The following PTCD3 variants were observed in gnomAD, a reference collection of about 807,000 sequenced individuals.
PTCD3 encodes the protein small ribosomal subunit protein mS39.
Under a neutral mutation model 101.9 loss-of-function variants are expected in PTCD3, and 89 were observed. The observed-to-expected ratio is 0.87, with a 90% CI of 0.74 to 1.04. The LOEUF is 1.04. Among genes scored for constraint, PTCD3 ranks in the 50% least tolerant of loss-of-function variants. The probability of loss-of-function intolerance (pLI) is 0.00; values close to 1 mark genes in which losing one functional copy is unlikely to be tolerated. For synonymous variants in PTCD3, 296 were observed against 278.5 expected (o/e 1.06, Z -0.63); for missense variants, 870 against 828.2 (o/e 1.05, Z -0.62).
intron 10 of PTCD3, 87 bp downstream of exon 10, chr2:86,125,169 A>T (rs1036180942): frequency 6.5e-7 from 1 of 1,545,940 alleles, no homozygotes; most frequent in African/African-American, 1.4e-5. Flanking sequence ...GGGTCAGGTA[A>T]TTTGTTGTGG....
chr2:86,106,355 A>G lies in PTCD3; in HGVS notation c.104+4A>G, dbSNP rs758489830. 1 of 1,613,680 alleles carries G rather than the reference A, an allele frequency of 6.2e-7. No individual in the cohort carries two copies. Among genetic ancestry groups the G allele is most frequent in the South Asian group, 1.1e-5 (1 of 90,996 alleles). On this transcript the variant is annotated splice_donor_region_variant and intron_variant, in intron 1 of 23. Transcript: ENST00000254630. Reference sequence around the variant, plus strand: ...GTGAACAGGCACGCAGCTGCAGGTAAGAGACGCTTAGGGTATCCGCGAAGA... The same window carrying G: ...GTGAACAGGCACGCAGCTGCAGGTAGGAGACGCTTAGGGTATCCGCGAAGA...
chr2:86,106,971 T>C (rs1045614641), intron 1 of PTCD3: 3 of 360,230 alleles, frequency 8.3e-6, no homozygotes, highest in Non-Finnish European at 1.1e-5. Context: ...TAATTTTAGG[T>C]TTAGTGTTTG....
intron 4 of PTCD3, among the ~76,000 whole-genome samples, chr2:86,115,505 AG>A (rs898217648): frequency 1.3e-5 from 2 of 152,192 alleles, no homozygotes; most frequent in African/African-American, 4.8e-5. Context: ...GGTTTTTGAA[AG>A]GGGTAGCAGA....
intron 6 of PTCD3, among the ~76,000 whole-genome samples, chr2:86,118,332 A>G (rs995827621): frequency 6.6e-6 from 1 of 152,104 alleles, no homozygotes; most frequent in African/African-American, 2.4e-5. Context: ...AGCAAAACAG[A>G]TGCGCCTCTG....
intron 7 of PTCD3, among the ~76,000 whole-genome samples, chr2:86,120,546 A>G (rs1238230003): frequency 1.3e-5 from 2 of 152,058 alleles, no homozygotes; most frequent in Non-Finnish European, 2.9e-5. Flanking sequence ...TCTCTTCTGG[A>G]CTTTTTACAT....
intron 8 of PTCD3, among the ~76,000 whole-genome samples, chr2:86,121,993 C>T (rs769309559): frequency 8.5e-5 from 13 of 152,218 alleles, no homozygotes; most frequent in East Asian, 5.8e-4. Flanking sequence ...AGTAGTGTGC[C>T]GGGGCCCGCC....
intron 4 of PTCD3, among the ~76,000 whole-genome samples, chr2:86,112,783 G>A (rs1267658309): frequency 1.3e-5 from 2 of 152,050 alleles, no homozygotes; most frequent in African/African-American, 4.8e-5. Context: ...GGCTGGTTAG[G>A]ATGTTAAAAC....
intron 14 of PTCD3, 74 bp from the exon 15 acceptor site, chr2:86,130,574 C>CT (rs1558799326): frequency 1.3e-6 from 2 of 1,533,930 alleles, no homozygotes; most frequent in Middle Eastern, 1.7e-4. Flanking sequence ...AAATGTGTCC[C>CT]TTTGTATTAG....
rs761759825 is a variant in PTCD3, at chr2:86,132,359, T to C, written c.1308T>C (p.His436=). The change falls in exon 17 of 24, where the codon CAT becomes CAC. Residue 436 remains histidine, a synonymous_variant. Coordinates refer to ENST00000254630, the MANE Select transcript of PTCD3 (RefSeq NM_017952.6). ...ATCTAGAACTTGCCTACCAAGTACA[T>C]GGCCTTTTAAAAACCGGAGACAACT... ...LRDLELAYQV[H]GLLKTGDNWK... The C allele has an allele frequency of 3.1e-6, 5 of 1,609,564 alleles. No individual in the cohort carries two copies. The highest frequency in any genetic ancestry group is 1.3e-5 in the African/African-American group (1 of 74,810).
At chr2:86,118,413 A>G (rs2367202) in intron 6 of PTCD3, among the ~76,000 whole-genome samples, 115,704 of 152,106 alleles carry the variant, frequency 0.76, 45,216 homozygotes, top group South Asian at 0.85. Context: ...ATATCCCTAC[A>G]TCTCTCTGCT....
rs1674189354 is a variant in PTCD3 at position 86,117,039 on chromosome 2, C to G, written c.310-16C>G. 2.0e-6 allele frequency: 2 copies of G among 1,002,850 alleles called. No homozygotes were observed. Among genetic ancestry groups the G allele is most frequent in the Admixed American group, 1.7e-5 (1 of 57,882 alleles). The allele number at this position is 1,002,850 out of a possible 1,614,324, so 62.1% of individuals were successfully genotyped here. On this transcript the variant is annotated splice_polypyrimidine_tract_variant and intron_variant, in intron 5 of 23. Transcript: ENST00000254630. ...GAGTTTAAATTACATGTATTTAAAT[C>G]TTTTTCTTTATATAGCGTTCATTTT... is the stretch of plus-strand genomic sequence containing the variant.
chr2:86,119,067 C>T lies in PTCD3; in HGVS notation c.538+23C>T, dbSNP rs373382563. The T allele has an allele frequency of 3.1e-5, 50 of 1,610,564 alleles. No individual in the cohort carries two copies. The South Asian group carries it at 5.2e-4, about 17-fold the overall frequency. On this transcript the variant is annotated intron_variant, in intron 7 of 23. Transcript: ENST00000254630. Reference sequence around the variant, plus strand: ...CAGGTGACTGAGTTCGATTAAAGCCCCTCTAATAACATGGGCTTTGAAGTG... The same window carrying T: ...CAGGTGACTGAGTTCGATTAAAGCCTCTCTAATAACATGGGCTTTGAAGTG...
In PTCD3 at chr2:86,108,540, A is replaced by G; in HGVS notation, c.194+4A>G. On this transcript the variant is annotated splice_donor_region_variant and intron_variant, in intron 3 of 23. Transcript: ENST00000254630. The stretch of plus-strand genomic sequence containing the variant: ...TAATTCCAAAAAAGAAAACTTGGTA[A>G]GTATTCTATCAGTGTTCATTCAGCA... 6.3e-7 allele frequency: 1 copy of G among 1,594,682 alleles called. No individual in the cohort carries two copies. The highest frequency in any genetic ancestry group is 1.4e-5 in the African/African-American group (1 of 73,832).
At chr2:86,121,852 T>G (rs538709854) in intron 8 of PTCD3, among the ~76,000 whole-genome samples, 1 of 152,332 alleles carries the variant, frequency 6.6e-6, no homozygotes, top group African/African-American at 2.4e-5. Flanking sequence ...TCAGAAATGT[T>G]TGGGCTGGCC....
intron 6 of PTCD3, among the ~76,000 whole-genome samples, chr2:86,117,453 CT>C (rs758220686): frequency 3.4e-3 from 492 of 143,136 alleles, no homozygotes; most frequent in Middle Eastern, 7.1e-3. Context: ...CTTTCTCTTC[CT>C]TTTTTTTTTT....
chr2:86,109,911 G>A (rs1674043597), intron 3 of PTCD3, among the ~76,000 whole-genome samples: 1 of 152,172 alleles, frequency 6.6e-6, no homozygotes. Context: ...GTGTGTATAC[G>A]TTTTTTAGGG....
At chr2:86,136,673 A>G in intron 22 of PTCD3, 111 bp downstream of exon 22, 2 of 1,288,778 alleles carry the variant, frequency 1.6e-6, no homozygotes, top group South Asian at 2.4e-5. Context: ...TTAGGCAAGC[A>G]TACCGTCAAC....
In PTCD3 at chr2:86,130,684, A is replaced by T. The variant is rs150045544; in HGVS notation, c.1184A>T (p.Asp395Val). 496 of 1,613,766 alleles carry T rather than the reference A, an allele frequency of 3.1e-4. 1 individual carries two copies. The highest frequency in any genetic ancestry group is 4.0e-4 in the Non-Finnish European group (470 of 1,179,844). The change falls in exon 15 of 24, where the codon GAT becomes GTT. Residue 395 changes from aspartate (D) to valine (V), a missense_variant. By Grantham distance (152) the Asp-to-Val change is radical. Transcript: ENST00000254630. ...PLKRSSFIIY[D>V]IMNELMGKRF... The stretch of plus-strand genomic sequence containing the variant: ...AAGAGATCATCCTTCATCATTTATG[A>T]TATAATGAATGAATTAATGGGAAAG...
Position 86,138,693 on chromosome 2 carries a change from G to C in PTCD3, c.*1134G>C, listed in dbSNP as rs1053974358. On this transcript the variant is annotated 3_prime_UTR_variant, in exon 24 of 24. Coordinates refer to ENST00000254630, the MANE Select transcript of PTCD3 (RefSeq NM_017952.6). ...TTGAGGGACAAAAAAAAAAAAAGCC[G>C]ATATAGTAGCTAGCTACTTAAGCAT... is the stretch of plus-strand genomic sequence containing the variant. 1 of 145,862 alleles carries C rather than the reference G, an allele frequency of 6.9e-6. No homozygotes were observed. Among genetic ancestry groups the C allele is most frequent in the African/African-American group, 2.5e-5 (1 of 39,860 alleles). The allele number at this position is 145,862 out of a possible 1,614,324, so 9.0% of individuals were successfully genotyped here.
Sources: gnomAD v4.1 joint callset for allele counts (sites outside exome capture counted in the v4.1 genomes callset) on GRCh38, gnomAD v4.1.1 for gene constraint, MANE v1.5 for transcripts, NCBI Gene and HGNC (gene_info 2026-07-23, HGNC 2026-07-21) for gene names.